The following KLF12 variants were observed in gnomAD, a reference collection of about 807,000 sequenced individuals.
KLF12 encodes the protein Krueppel-like factor 12.
Under a neutral mutation model 37.8 loss-of-function variants are expected in KLF12, and 9 were observed. That is an observed-to-expected ratio of 0.24 (90% CI 0.14 to 0.42). KLF12 has a LOEUF of 0.42. KLF12 is among the 10% of genes least tolerant of loss of function. KLF12 has a pLI of 1.00. For synonymous variants in KLF12, 208 were observed against 202.1 expected (o/e 1.03, Z -0.25); for missense variants, 411 against 516.0 (o/e 0.80, Z 1.97).
At chr13:74,017,348 C>T (rs1173545527) in intron 1 of KLF12, among the ~76,000 whole-genome samples, 1 of 139,446 alleles carries the variant, frequency 7.2e-6, no homozygotes, top group South Asian at 2.5e-4. Context: ...CTCACAAAAA[C>T]TTTATGAAGT....
intron 1 of KLF12, among the ~76,000 whole-genome samples, chr13:74,086,987 G>A: frequency 6.6e-6 from 1 of 152,070 alleles, no homozygotes; most frequent in African/African-American, 2.4e-5. Flanking sequence ...AGGAGGAGTT[G>A]GTCTTGCTGT....
intron 1 of KLF12, among the ~76,000 whole-genome samples, chr13:74,017,557 G>T (rs983932496): frequency 7.4e-6 from 1 of 135,714 alleles, no homozygotes; most frequent in Non-Finnish European, 1.6e-5. Context: ...CCTCCTTCCT[G>T]TCCCCCCCAC....
chr13:73,712,287 G>A (rs568823118), intron 7 of KLF12, among the ~76,000 whole-genome samples: 1 of 144,200 alleles, frequency 6.9e-6, no homozygotes, highest in South Asian at 2.3e-4. Flanking sequence ...GAGGTAAGCC[G>A]AGATTGCGCC....
At chr13:73,872,465 A>G (rs1886516724) in intron 3 of KLF12, among the ~76,000 whole-genome samples, 2 of 152,222 alleles carry the variant, frequency 1.3e-5, no homozygotes, top group African/African-American at 4.8e-5. Context: ...TGAGGGCAGA[A>G]TGTAAGGTGG....
chr13:74,008,214 G>A (rs1892464978), intron 1 of KLF12, among the ~76,000 whole-genome samples: 1 of 152,106 alleles, frequency 6.6e-6, no homozygotes, highest in African/African-American at 2.4e-5. Context: ...ATTTTGATCA[G>A]ACCAATTCCT....
intron 3 of KLF12, among the ~76,000 whole-genome samples, chr13:73,890,079 C>A (rs1376638788): frequency 6.6e-6 from 1 of 151,878 alleles, no homozygotes; most frequent in African/African-American, 2.4e-5. Context: ...ACAAGAACAC[C>A]GTCTTTAAAC....
At position 73,948,800 on chromosome 13, in the gene KLF12, T is replaced by C. The variant is rs141781046; in HGVS notation, c.34-4730A>G. ...CTTTGCTTATATACAAGCACATTAG[T>C]GAATTCCTCCCTCTCTCTGGGTAAG... On this transcript the variant is annotated intron_variant, in intron 2 of 7. Coordinates refer to ENST00000377669, the MANE Select transcript of KLF12 (RefSeq NM_007249.5). 3.1e-3 allele frequency among the ~76,000 whole-genome samples: 476 copies of C among 152,316 alleles called. 1 individual carries two copies. The highest frequency in any genetic ancestry group is 5.4e-3 in the Non-Finnish European group (365 of 68,022).
the KLF12 span, among the ~76,000 whole-genome samples, chr13:74,284,934 G>T: frequency 0.43 from 64,725 of 151,950 alleles, 16,520 homozygotes; most frequent in East Asian, 0.62. Context: ...ATTATAAGTA[G>T]GGCCTTTTGG....
the KLF12 span, among the ~76,000 whole-genome samples, chr13:74,279,244 T>TTGTC: frequency 6.6e-6 from 1 of 152,106 alleles, no homozygotes; most frequent in Non-Finnish European, 1.5e-5. Flanking sequence ...GCACTTTAAT[T>TTGTC]TAGTTGATGC....
At chr13:74,228,727 T>C in the KLF12 span, among the ~76,000 whole-genome samples, 2 of 152,050 alleles carry the variant, frequency 1.3e-5, no homozygotes, top group Non-Finnish European at 2.9e-5. Flanking sequence ...ATACTTGAAA[T>C]TGAAACTGGA....
At chr13:73,845,057 A>C (rs1435667506) in intron 4 of KLF12, 1 of 152,206 alleles carries the variant, frequency 6.6e-6, no homozygotes, top group East Asian at 1.9e-4. Flanking sequence ...ACTTAGAAGA[A>C]GAAAATAACT....
chr13:73,916,394 C>A (rs1488501987), intron 3 of KLF12, among the ~76,000 whole-genome samples: 2 of 152,080 alleles, frequency 1.3e-5, no homozygotes, highest in Non-Finnish European at 2.9e-5. Flanking sequence ...AGAACCAGAG[C>A]TATCAAACAT....
rs1014636315 is a variant in KLF12, at chr13:73,777,794, T to C, written c.807-12794A>G. On this transcript the variant is annotated intron_variant, in intron 5 of 7. Coordinates refer to ENST00000377669, the MANE Select transcript of KLF12 (RefSeq NM_007249.5). ...GAAAAAGACTAATATCTAGGTAATCTTTCCCTTCCTCCTCTTTCCCTCCCT... is the reference window on the plus strand; with the variant it reads ...GAAAAAGACTAATATCTAGGTAATCCTTCCCTTCCTCCTCTTTCCCTCCCT... 2.0e-5 allele frequency among the ~76,000 whole-genome samples: 3 copies of C among 151,774 alleles called. No homozygotes were observed. The East Asian group carries it at 5.9e-4, about 30-fold the overall frequency.
intron 5 of KLF12, among the ~76,000 whole-genome samples, chr13:73,771,604 T>C (rs752293923): frequency 6.6e-6 from 1 of 152,258 alleles, no homozygotes; most frequent in African/African-American, 2.4e-5. Context: ...TTGAACATTA[T>C]TAATTCAATC....
chr13:73,970,187 G>T (rs1266160813), intron 2 of KLF12, among the ~76,000 whole-genome samples: 1 of 152,142 alleles, frequency 6.6e-6, no homozygotes, highest in Non-Finnish European at 1.5e-5. Flanking sequence ...TGATAAGATG[G>T]AGGATTTAAA....
chr13:73,752,542 G>T (rs1461103586), intron 6 of KLF12, among the ~76,000 whole-genome samples: 3 of 146,376 alleles, frequency 2.0e-5, no homozygotes, highest in Admixed American at 1.4e-4. Flanking sequence ...CTAAAACTAG[G>T]TGTCATCCTT....
At chr13:74,111,019 G>C (rs1248752066) in intron 1 of KLF12, among the ~76,000 whole-genome samples, 1 of 152,004 alleles carries the variant, frequency 6.6e-6, no homozygotes, top group African/African-American at 2.4e-5. Flanking sequence ...CAGGCATGGT[G>C]GTGGGCGCCT....
intron 3 of KLF12, among the ~76,000 whole-genome samples, chr13:73,938,800 T>C (rs1221908109): frequency 1.3e-5 from 2 of 151,986 alleles, no homozygotes; most frequent in Admixed American, 6.6e-5. Context: ...AATGAGGGAG[T>C]GCATAGGAAT....
chr13:73,736,573 C>T (rs561508862), intron 6 of KLF12, among the ~76,000 whole-genome samples: 2 of 152,254 alleles, frequency 1.3e-5, no homozygotes, highest in South Asian at 4.1e-4. Flanking sequence ...TATTAAAGAT[C>T]ATATTGTCAA....
Sources: gnomAD v4.1 joint callset for allele counts (sites outside exome capture counted in the v4.1 genomes callset) on GRCh38, gnomAD v4.1.1 for gene constraint, MANE v1.5 for transcripts, NCBI Gene and HGNC (gene_info 2026-07-23, HGNC 2026-07-21) for gene names.